Variants in SELENON observed in about 807,000 individuals in gnomAD.
The protein encoded by SELENON is selenoprotein N, 1.
SELENON carries 44 observed loss-of-function variants against 59.5 expected under a neutral mutation model. That is an observed-to-expected ratio of 0.74 (90% CI 0.58 to 0.95). The LOEUF (loss-of-function observed/expected upper bound fraction) is 0.95. Ranked by LOEUF, SELENON falls within the 40% of genes least tolerant of loss-of-function variation. The pLI is 0.00. For synonymous variants in SELENON, 320 were observed against 305.6 expected, an observed-to-expected ratio of 1.05 and a Z score of -0.49; for missense variants, 674 against 721.4, an observed-to-expected ratio of 0.93 and a Z score of 0.75.
At chr1:25,803,700 TTTTTTTTG>T (rs975405321) in intron 3 of SELENON, among the ~76,000 whole-genome samples, 16 of 46,042 alleles carry the variant, frequency 3.5e-4, no homozygotes, top group Middle Eastern at 0.022. Context: ...TTGGTTTTTG[TTTTTTTTG>T]TTTTTTTGTT....
Position 25,801,161 on chromosome 1 carries a change from G to C in SELENON, c.301+1G>C, listed in dbSNP as rs398124360. On this transcript the variant is annotated splice_donor_variant, in intron 2 of 12. Coordinates refer to ENST00000361547, the MANE Select transcript of SELENON (RefSeq NM_020451.3). LOFTEE classifies it high-confidence loss of function. ...AAACCCATTGCTGAGAAGCTAACAGGTACCAGGAGAGACTGGCGGCTGGGG... is the reference window on the plus strand; with the variant it reads ...AAACCCATTGCTGAGAAGCTAACAGCTACCAGGAGAGACTGGCGGCTGGGG... 1 of 1,611,778 alleles carries C rather than the reference G, an allele frequency of 6.2e-7. No individual in the cohort carries two copies. The highest frequency in any genetic ancestry group is 1.3e-5 in the African/African-American group (1 of 74,850).
chr1:25,805,167 G>A lies in SELENON; in HGVS notation c.429G>A (p.Glu143=), dbSNP rs776026912. The change falls in exon 4 of 13, where the codon GAG becomes GAA. Residue 143 remains glutamate (E), a synonymous_variant. Transcript: ENST00000361547. ...GGTCAACTCCCGCGGCCAGCTGCGA[G>A]GAGGAGGAGTTGCCCCCTGACCCTA... 1.2e-6 allele frequency: 2 copies of A among 1,608,852 alleles called. No individual in the cohort carries two copies. Among genetic ancestry groups the A allele is most frequent in the African/African-American group, 1.3e-5 (1 of 74,926 alleles).
rs760351206 is a variant in SELENON at position 25,808,699 on chromosome 1, G to A, written c.657G>A (p.Glu219=). ...CCCCGCCAGGCCAGGAGCTGGGTGAGCCCTGGTGGATCATCCCCAGTGAGC... is the reference window on the plus strand; with the variant it reads ...CCCCGCCAGGCCAGGAGCTGGGTGAACCCTGGTGGATCATCCCCAGTGAGC... Residue 219 remains glutamate (E), a synonymous_variant, in exon 5 of 13, where the codon GAG becomes GAA. Transcript: ENST00000361547. 15 of 1,614,132 alleles carry A rather than the reference G, an allele frequency of 9.3e-6. No homozygotes were observed. The highest frequency in any genetic ancestry group is 1.1e-5 in the Non-Finnish European group (13 of 1,179,994).
chr1:25,814,483 C>T (rs1485419588), intron 12 of SELENON, among the ~76,000 whole-genome samples: 1 of 152,190 alleles, frequency 6.6e-6, no homozygotes, highest in East Asian at 1.9e-4. Context: ...ACCATGGCGG[C>T]CAGTCCTGGG....
In SELENON at chr1:25,815,655, G is replaced by T. The variant is rs371398538; in HGVS notation, c.1710G>T (p.Thr570=). 6.2e-7 allele frequency: 1 copy of T among 1,614,130 alleles called. No homozygotes were observed. Among genetic ancestry groups the T allele is most frequent in the South Asian group, 1.1e-5 (1 of 91,084 alleles). Residue 570 remains threonine (T), a synonymous_variant, in exon 13 of 13, where the codon ACG becomes ACT. Coordinates refer to ENST00000361547, the MANE Select transcript of SELENON (RefSeq NM_020451.3). ...CATCCACCTTTGAAGACCCGTCCAC[G>T]GCCACCTACATGCAGTTCCTGAAGG... is the stretch of plus-strand genomic sequence containing the variant.
At chr1:25,805,351 T>G (rs1441192847) in intron 4 of SELENON, 76 bp downstream of exon 3, 8 of 1,600,496 alleles carry the variant, frequency 5.0e-6, no homozygotes, top group Non-Finnish European at 6.8e-6. Context: ...TCATCCATCT[T>G]TCCTCTGCCC....
At position 25,818,189 on chromosome 1, in the gene SELENON, A is replaced by G. The variant is rs1265524481; in HGVS notation, c.*2471A>G. ...TCTAACACTTCCCTCCCCTGTCCCC[A>G]ACATGCCCTGTAATAAAATTAGAGA... On this transcript the variant is annotated 3_prime_UTR_variant, in exon 13 of 13. Coordinates refer to ENST00000361547, the MANE Select transcript of SELENON (RefSeq NM_020451.3). 1.3e-5 allele frequency: 2 copies of G among 152,290 alleles called. No individual in the cohort carries two copies. Among genetic ancestry groups the G allele is most frequent in the African/African-American group, 4.8e-5 (2 of 41,432 alleles). 9.4% of individuals were successfully genotyped at this position (152,290 alleles called of 1,614,324 possible). A position where few individuals can be genotyped will look rare whatever the true frequency, so the allele number is the denominator to read the frequency against.
rs755910203 is a variant in SELENON, at chr1:25,816,005, G to T, written c.*287G>T. 1.5e-5 allele frequency: 7 copies of T among 462,988 alleles called. No individual in the cohort carries two copies. The allele number at this position is 462,988 out of a possible 1,614,324, so 28.7% of individuals were successfully genotyped here. On this transcript the variant is annotated 3_prime_UTR_variant, in exon 13 of 13. Coordinates refer to ENST00000361547, the MANE Select transcript of SELENON (RefSeq NM_020451.3). ...TTGGCCCCCCCAGATCAGGGCCTGGGTGAACTCCCTGGACCTTTCCTAGCC... is the reference window on the plus strand; with the variant it reads ...TTGGCCCCCCCAGATCAGGGCCTGGTTGAACTCCCTGGACCTTTCCTAGCC...
Position 25,815,751 on chromosome 1 carries a change from C to A in SELENON, c.*33C>A. On this transcript the variant is annotated 3_prime_UTR_variant, in exon 13 of 13. Transcript: ENST00000361547. The stretch of plus-strand genomic sequence containing the variant: ...GGACGGGATCTGATGCACAGGCCCC[C>A]ACGCCTCAGAGCCAGAGTGGTCCTC... The A allele has an allele frequency of 5.6e-6, 9 of 1,609,882 alleles. No homozygotes were observed. The highest frequency in any genetic ancestry group is 7.6e-6 in the Non-Finnish European group (9 of 1,178,664).
chr1:25,815,494 G>A, intron 12 of SELENON, 54 bp from the exon 12 acceptor site: 1 of 1,492,996 alleles, frequency 6.7e-7, no homozygotes, highest in Non-Finnish European at 9.3e-7. Context: ...AGAGGGCACA[G>A]GGAGCCTGGG....
chr1:25,809,496 A>G (rs2047939266), intron 6 of SELENON, among the ~76,000 whole-genome samples, 187 bp from the exon 6 acceptor site: 2 of 152,204 alleles, frequency 1.3e-5, no homozygotes, highest in Admixed American at 6.5e-5. Context: ...CAGGGCTTCC[A>G]GAGGAGGGGC....
Position 25,804,110 on chromosome 1 carries a change from C to A in SELENON, c.404-1032C>A, listed in dbSNP as rs192495067. Among the ~76,000 whole-genome samples, 9 of 152,238 alleles carry A rather than the reference C, an allele frequency of 5.9e-5. No individual in the cohort carries two copies. In the East Asian group the frequency reaches 1.7e-3, roughly 29 times the overall value. ...CCCTTCTTCTTGGGTTTCTAGATTG[C>A]GTTTTGGAAAGTTTTACCTCATTGA... On this transcript the variant is annotated intron_variant, in intron 3 of 12. Coordinates refer to ENST00000361547, the MANE Select transcript of SELENON (RefSeq NM_020451.3).
Position 25,811,701 on chromosome 1 carries a change from A to T in SELENON, c.1103A>T (p.Glu368Val). Residue 368 changes from glutamate to valine, a missense_variant, in exon 9 of 13, where the codon GAG (glutamate) becomes GTG (valine). By Grantham distance (121) the Glu-to-Val change is moderately radical. Transcript: ENST00000361547. ...TGACCTCTGGCCCAGATGGAGCTGGAGGCCACGGGCCCCTCTGTGCCCTCC... is the reference window on the plus strand; with the variant it reads ...TGACCTCTGGCCCAGATGGAGCTGGTGGCCACGGGCCCCTCTGTGCCCTCC... 4 of 1,610,004 alleles carry T rather than the reference A, an allele frequency of 2.5e-6. No homozygotes were observed. Among genetic ancestry groups the T allele is most frequent in the Non-Finnish European group, 3.4e-6 (4 of 1,178,380 alleles).
chr1:25,802,379 T>C (rs1316002534), intron 3 of SELENON, among the ~76,000 whole-genome samples: 1 of 151,558 alleles, frequency 6.6e-6, no homozygotes. Flanking sequence ...GTTGTTGAGA[T>C]GGAGTCTTCC....
chr1:25,811,413 T>C (rs1460759642), intron 7 of SELENON, 41 bp from the exon 7 acceptor site: 7 of 1,515,158 alleles, frequency 4.6e-6, no homozygotes, highest in Admixed American at 1.7e-5. Context: ...ACACAGATAA[T>C]GGGCTTTGAT....
At position 25,813,929 on chromosome 1, in the gene SELENON, T is replaced by C. The variant is rs762055852; in HGVS notation, c.1436T>C (p.Leu479Pro). ...ACTGTCCTGGAAAGTTCGCCCATCC[T>C]CACCCTGCTCAACGAGAGCTTCATC... Residue 479 changes from leucine to proline, a missense_variant, in exon 11 of 13, where the codon CTC becomes CCC. Coordinates refer to ENST00000361547, the MANE Select transcript of SELENON (RefSeq NM_020451.3). 1.2e-6 allele frequency: 2 copies of C among 1,614,138 alleles called. No individual in the cohort carries two copies. Among genetic ancestry groups the C allele is most frequent in the South Asian group, 2.2e-5 (2 of 91,086 alleles).
Position 25,809,080 on chromosome 1 carries a change from C to T in SELENON, c.802C>T (p.Arg268Cys), listed in dbSNP as rs368074297. ...CCACCCTCGGCCCTTTGTGAAGACC[C>T]GCTTTGCCCCTCAGGGAGCTGTGGC... Residue 268 changes from arginine (R) to cysteine (C), a missense_variant, in exon 6 of 13, where the codon CGC becomes TGC. Physicochemically the swap from Arg to Cys is radical, Grantham distance 180. Transcript: ENST00000361547. 48 of 1,613,724 alleles carry T rather than the reference C, an allele frequency of 3.0e-5. No homozygotes were observed. The highest frequency in any genetic ancestry group is 3.6e-5 in the Non-Finnish European group (43 of 1,180,048).
chr1:25,803,956 G>A (rs964125061), intron 3 of SELENON, among the ~76,000 whole-genome samples: 1 of 152,060 alleles, frequency 6.6e-6, no homozygotes, highest in Non-Finnish European at 1.5e-5. Context: ...GCCTGCTTCG[G>A]CTTCCCAAAG....
chr1:25,812,873 G>A, intron 10 of SELENON, 81 bp downstream of exon 9: 1 of 1,089,458 alleles, frequency 9.2e-7, no homozygotes, highest in East Asian at 2.6e-5. Context: ...AGACCAATGG[G>A]ACTCTTCTGT....
Sources: gnomAD v4.1 joint callset for allele counts (sites outside exome capture counted in the v4.1 genomes callset) on GRCh38, gnomAD v4.1.1 for gene constraint, MANE v1.5 for transcripts, NCBI Gene and HGNC (gene_info 2026-07-23, HGNC 2026-07-21) for gene names.